The following EFCAB13 variants were observed in gnomAD, a reference collection of about 807,000 sequenced individuals.
EFCAB13 encodes the protein EF-hand calcium binding domain 13, also known as EF-hand calcium-binding domain-containing protein 13.
Under a neutral mutation model 110.2 loss-of-function variants are expected in EFCAB13, and 91 were observed. The observed-to-expected ratio is 0.83, with a 90% CI of 0.70 to 0.98. EFCAB13 has a LOEUF of 0.98. Among genes scored for constraint, EFCAB13 ranks in the 50% least tolerant of loss-of-function variants. The probability of loss-of-function intolerance (pLI) is 0.00; values close to 1 mark genes in which losing one functional copy is unlikely to be tolerated. For synonymous variants in EFCAB13, 323 were observed against 369.9 expected (o/e 0.87, Z 1.45); for missense variants, 968 against 1,119.4 (o/e 0.86, Z 1.93).
intron 9 of EFCAB13, among the ~76,000 whole-genome samples, chr17:47,354,758 G>A (rs1291618512): frequency 6.6e-6 from 1 of 152,150 alleles, no homozygotes; most frequent in Non-Finnish European, 1.5e-5. Context: ...ATGTGAGTGA[G>A]TCCTTAAGTG....
chr17:47,435,819 A>G (rs1905202638), intron 24 of EFCAB13, among the ~76,000 whole-genome samples: 1 of 152,034 alleles, frequency 6.6e-6, no homozygotes, highest in South Asian at 2.1e-4. Flanking sequence ...TTCCAGTACT[A>G]TGTTGAAGAG....
chr17:47,413,750 T>C (rs1309951481), intron 22 of EFCAB13, among the ~76,000 whole-genome samples: 1 of 152,176 alleles, frequency 6.6e-6, no homozygotes, highest in Admixed American at 6.5e-5. Context: ...TTCCACTGTC[T>C]TTCAGAATTG....
chr17:47,426,047 T>C (rs1477879416), intron 23 of EFCAB13, among the ~76,000 whole-genome samples: 1 of 152,156 alleles, frequency 6.6e-6, no homozygotes, highest in Non-Finnish European at 1.5e-5. Context: ...GGCCAGTCAA[T>C]CCAAACCACT....
At chr17:47,435,691 G>A (rs1231940341) in intron 24 of EFCAB13, among the ~76,000 whole-genome samples, 3 of 146,564 alleles carry the variant, frequency 2.0e-5, no homozygotes, top group Non-Finnish European at 3.0e-5. Context: ...GAACCTTCAG[G>A]AGGAGTCCTT....
chr17:47,363,019 C>T (rs2317631), intron 10 of EFCAB13, among the ~76,000 whole-genome samples: 71,298 of 151,932 alleles, frequency 0.47, 17,090 homozygotes, highest in Non-Finnish European at 0.49. Flanking sequence ...TACACTCTCT[C>T]GTCTCCGCAC....
rs1328455736 is a variant in EFCAB13, at chr17:47,374,709, G to T, written c.1115G>T (p.Gly372Val). 1.2e-6 allele frequency: 2 copies of T among 1,613,526 alleles called. No individual in the cohort carries two copies. Among genetic ancestry groups the T allele is most frequent in the Non-Finnish European group, 1.7e-6 (2 of 1,179,876 alleles). ...TGGCAAATAAGAAAATTTCTGGGTGGGGTTGGCAGCAGTAATGTAGGAGTC... is the reference window on the plus strand; with the variant it reads ...TGGCAAATAAGAAAATTTCTGGGTGTGGTTGGCAGCAGTAATGTAGGAGTC... Reference protein sequence around the residue: ...NTWQIRKFLGGVGSSNVGVQE... With the variant: ...NTWQIRKFLGVVGSSNVGVQE... The change falls in exon 12 of 25, where the codon GGG becomes GTG. Residue 372 changes from glycine (G) to valine (V), a missense_variant. Coordinates refer to ENST00000331493, the MANE Select transcript of EFCAB13 (RefSeq NM_152347.5).
intron 24 of EFCAB13, among the ~76,000 whole-genome samples, chr17:47,434,676 G>T (rs1360632433): frequency 3.9e-5 from 6 of 152,096 alleles, no homozygotes; most frequent in Non-Finnish European, 7.4e-5. Context: ...AAACAGCATG[G>T]TACTGTTATA....
At position 47,334,981 on chromosome 17, in the gene EFCAB13, G is replaced by T. The variant is rs188009090; in HGVS notation, c.31-215G>T. Among the ~76,000 whole-genome samples the T allele has an allele frequency of 4.4e-3, 674 of 152,294 alleles. 6 individuals carry two copies. Among genetic ancestry groups the T allele is most frequent in the African/African-American group, 0.016 (653 of 41,556 alleles). On this transcript the variant is annotated intron_variant, in intron 4 of 24. Transcript: ENST00000331493. ...TCATAAATGATGTTCTTTTATAGCTGTATAATGCACTAAGGATAATTGGAG... is the reference window on the plus strand; with the variant it reads ...TCATAAATGATGTTCTTTTATAGCTTTATAATGCACTAAGGATAATTGGAG...
intron 8 of EFCAB13, among the ~76,000 whole-genome samples, chr17:47,346,425 C>T (rs572211455): frequency 1.2e-4 from 10 of 84,072 alleles, no homozygotes; most frequent in South Asian, 1.2e-3. Context: ...ATGTATATAA[C>T]GTACTTTACC....
At chr17:47,360,040 G>A (rs1460037141) in intron 9 of EFCAB13, among the ~76,000 whole-genome samples, 1 of 151,782 alleles carries the variant, frequency 6.6e-6, no homozygotes, top group African/African-American at 2.4e-5. Flanking sequence ...GGACATTTGG[G>A]TTGGTTCCAG....
intron 10 of EFCAB13, among the ~76,000 whole-genome samples, chr17:47,363,804 G>C (rs905206861): frequency 1.3e-5 from 2 of 152,146 alleles, no homozygotes; most frequent in African/African-American, 2.4e-5. Flanking sequence ...TTTGTAGTGG[G>C]CTTTTGGTTG....
In EFCAB13 at chr17:47,377,921, C is replaced by G; in HGVS notation, c.1510+18C>G. 6.4e-7 allele frequency: 1 copy of G among 1,552,096 alleles called. No homozygotes were observed. The highest frequency in any genetic ancestry group is 8.6e-7 in the Non-Finnish European group (1 of 1,159,074). ...TAGAAATGGTGAGAGACTGATAACA[C>G]TGAAGTTTCTGAGAAAGTTAGATAT... On this transcript the variant is annotated intron_variant, in intron 13 of 24. Transcript: ENST00000331493.
At chr17:47,390,051 C>G (rs1031674974) in intron 14 of EFCAB13, among the ~76,000 whole-genome samples, 2 of 152,096 alleles carry the variant, frequency 1.3e-5, no homozygotes, top group East Asian at 3.9e-4. Context: ...TTTAGAAAGC[C>G]ATAATGATTT....
At chr17:47,377,204 C>T (rs12453233) in intron 12 of EFCAB13, among the ~76,000 whole-genome samples, 78,794 of 151,950 alleles carry the variant, frequency 0.52, 20,933 homozygotes, top group Middle Eastern at 0.56. Flanking sequence ...CACACACACT[C>T]AGGCTGGAAT....
chr17:47,407,805 C>T (rs1401698014), intron 20 of EFCAB13, among the ~76,000 whole-genome samples: 1 of 151,856 alleles, frequency 6.6e-6, no homozygotes, highest in Non-Finnish European at 1.5e-5. Flanking sequence ...GCTTTCTGGT[C>T]CAAATGTTTG....
Position 47,344,246 on chromosome 17 carries a change from G to T in EFCAB13, c.388G>T (p.Val130Phe). 6.2e-7 allele frequency: 1 copy of T among 1,612,990 alleles called. No individual in the cohort carries two copies. Among genetic ancestry groups the T allele is most frequent in the Non-Finnish European group, 8.5e-7 (1 of 1,179,232 alleles). ...ATGCAAGTTGCCGAATCAGTACAGC[G>T]TTCACAAGACTTCATCACCTCTTTG... ...SLCKLPNQYS[V>F]HKTSSPLCTS... The change falls in exon 7 of 25, where the codon GTT (valine) becomes TTT (phenylalanine). Residue 130 changes from valine (V) to phenylalanine (F), a missense_variant. Transcript: ENST00000331493.
At chr17:47,400,946 CTGAG>C (rs1321264554) in intron 17 of EFCAB13, among the ~76,000 whole-genome samples, 1 of 152,068 alleles carries the variant, frequency 6.6e-6, no homozygotes, top group African/African-American at 2.4e-5. Flanking sequence ...GAAGGCCATC[CTGAG>C]TATTATAAAA....
intron 9 of EFCAB13, among the ~76,000 whole-genome samples, chr17:47,352,029 G>A (rs2065456396): frequency 6.6e-6 from 1 of 150,682 alleles, no homozygotes; most frequent in Non-Finnish European, 1.5e-5. Flanking sequence ...AGCCTCCCAT[G>A]TAGCTGGGAC....
In EFCAB13 at chr17:47,355,856, C is replaced by G. The variant is rs113330645; in HGVS notation, c.662-5522C>G. Among the ~76,000 whole-genome samples the G allele has an allele frequency of 8.6e-3, 1,306 of 152,086 alleles. 12 individuals carry two copies. Among genetic ancestry groups the G allele is most frequent in the African/African-American group, 0.027 (1,114 of 41,496 alleles). ...AAAGTGCTGGGATTACTGGCATGAG[C>G]CACTGCACCCAGCAGTGCTGGGTGC... is the stretch of plus-strand genomic sequence containing the variant. On this transcript the variant is annotated intron_variant, in intron 9 of 24. Coordinates refer to ENST00000331493, the MANE Select transcript of EFCAB13 (RefSeq NM_152347.5).
Sources: allele counts gnomAD v4.1 joint callset (sites outside exome capture counted in the v4.1 genomes callset), GRCh38; gene constraint gnomAD v4.1.1; transcripts MANE v1.5; gene names NCBI Gene and HGNC (gene_info 2026-07-23, HGNC 2026-07-21).